Variants in APOBEC4 observed in about 807,000 individuals in gnomAD.
APOBEC4 encodes apolipoprotein B mRNA editing enzyme catalytic polypeptide like 4.
For synonymous variants in APOBEC4, 141 were observed against 154.2 expected (o/e 0.91, Z 0.63); for missense variants, 375 against 441.2 (o/e 0.85, Z 1.34).
Position 183,652,790 on chromosome 1 carries a change from G to C in APOBEC4, c.-31+282C>G, listed in dbSNP as rs141102508. On this transcript the variant is annotated intron_variant, in intron 1 of 1. Transcript: ENST00000308641. ...TTATACTCTGTAGAGCAGATTTGCT[G>C]GCAGTAAGAACAGAGATGTGTAGAG... Among the ~76,000 whole-genome samples, 10 of 152,326 alleles carry C rather than the reference G, an allele frequency of 6.6e-5. No individual in the cohort carries two copies. The East Asian group carries it at 1.7e-3, about 26-fold the overall frequency.
Position 183,647,983 on chromosome 1 carries a change from A to T in APOBEC4, c.799T>A (p.Phe267Ile), listed in dbSNP as rs1650428043. 1 of 1,614,208 alleles carries T rather than the reference A, an allele frequency of 6.2e-7. No homozygotes were observed. ...ALESYPLNNA[F>I]PGQFFQMPSG... Reference sequence around the variant, plus strand: ...GGCATTTGAAAAAACTGTCCAGGAAAGGCATTGTTTAAGGGGTAGCTCTCT... The same window carrying T: ...GGCATTTGAAAAAACTGTCCAGGAATGGCATTGTTTAAGGGGTAGCTCTCT... Residue 267 changes from phenylalanine to isoleucine, a missense_variant, in exon 2 of 2, where the codon TTT (phenylalanine) becomes ATT (isoleucine). Phe to Ile is a conservative substitution (Grantham distance 21). Coordinates refer to ENST00000308641, the MANE Select transcript of APOBEC4 (RefSeq NM_203454.3).
Position 183,647,857 on chromosome 1 carries a change from T to G in APOBEC4, c.925A>C (p.Asn309His). The change falls in exon 2 of 2, where the codon AAC (asparagine) becomes CAC (histidine). Residue 309 changes from asparagine to histidine, a missense_variant. Transcript: ENST00000308641. ...ACGATATTCCTGGGTTTATTTGGGT[T>G]TTGGCCCATATGCATTGGTGGTAAG... ...RDLPPMHMGQ[N>H]PNKPRNIVRH... is the part of the protein sequence containing the mutation. 1 of 1,614,174 alleles carries G rather than the reference T, an allele frequency of 6.2e-7. No individual in the cohort carries two copies. The highest frequency in any genetic ancestry group is 1.6e-4 in the Middle Eastern group (1 of 6,062).
rs1650313414 is a variant in APOBEC4 at position 183,646,644 on chromosome 1, G to C, written c.*1034C>G. The C allele has an allele frequency of 6.6e-6, 1 of 152,208 alleles. No individual in the cohort carries two copies. The highest frequency in any genetic ancestry group is 1.5e-5 in the Non-Finnish European group (1 of 68,048). 9.4% of individuals were successfully genotyped at this position (152,208 alleles called of 1,614,324 possible). A position where few individuals can be genotyped will look rare whatever the true frequency, so the allele number is the denominator to read the frequency against. On this transcript the variant is annotated 3_prime_UTR_variant, in exon 2 of 2. Coordinates refer to ENST00000308641, the MANE Select transcript of APOBEC4 (RefSeq NM_203454.3). ...GGTACAAATATTCACTGGTGACGAG[G>C]ATGGAGTCAGAAAGAGGGAAGTAAA...
Position 183,647,128 on chromosome 1 carries a change from A to G in APOBEC4, c.*550T>C, listed in dbSNP as rs16861371. 10,336 of 152,948 alleles carry G rather than the reference A, an allele frequency of 0.068. 623 individuals carry two copies. The highest frequency in any genetic ancestry group is 0.16 in the African/African-American group (6,757 of 41,530). The allele number at this position is 152,948 out of a possible 1,614,324, so 9.5% of individuals were successfully genotyped here. A position where few individuals can be genotyped will look rare whatever the true frequency, so the allele number is the denominator to read the frequency against. On this transcript the variant is annotated 3_prime_UTR_variant, in exon 2 of 2. Transcript: ENST00000308641. ...TGGCTAGGTTTTAATCTTTATAGCT[A>G]TATGTAATCAGCAGAAGAGCTTTTT...
At position 183,648,476 on chromosome 1, in the gene APOBEC4, A is replaced by G. The variant is rs150479240; in HGVS notation, c.306T>C (p.Asn102=). 1.5e-4 allele frequency: 240 copies of G among 1,614,118 alleles called. No homozygotes were observed. Among genetic ancestry groups the G allele is most frequent in the Admixed American group, 4.3e-4 (26 of 60,010 alleles). ...IHPESMLFEM[N]GYLDSAIYNN... ...TGTATATGGCTGAGTCAAGATAACC[A>G]TTCATTTCAAAGAGCATTGATTCTG... The change falls in exon 2 of 2, where the codon AAT becomes AAC. Residue 102 remains asparagine, a synonymous_variant. Coordinates refer to ENST00000308641, the MANE Select transcript of APOBEC4 (RefSeq NM_203454.3).
intron 1 of APOBEC4, among the ~76,000 whole-genome samples, chr1:183,650,270 G>T (rs559268665): frequency 6.9e-6 from 1 of 145,206 alleles, no homozygotes; most frequent in East Asian, 2.0e-4. Flanking sequence ...TCGGCCAGGC[G>T]TGGTGGCTCA....
At chr1:183,652,338 C>T (rs976132724) in intron 1 of APOBEC4, among the ~76,000 whole-genome samples, 4 of 152,180 alleles carry the variant, frequency 2.6e-5, no homozygotes, top group Admixed American at 2.6e-4. Flanking sequence ...AGGACTGTGG[C>T]TTTAACACAT....
At position 183,647,781 on chromosome 1, in the gene APOBEC4, C is replaced by T. The variant is rs749579868; in HGVS notation, c.1001G>A (p.Gly334Glu). Residue 334 changes from glycine (G) to glutamate (E), a missense_variant, in exon 2 of 2, where the codon GGA (glycine) becomes GAA (glutamate). By Grantham distance (98) the Gly-to-Glu change is moderately conservative. Transcript: ENST00000308641. ...QMSFQETKDL[G>E]RLPTGRSVEI... ...CACTGACCTTCCAGTGGGAAGCCTT[C>T]CAAGGTCCTTGGTTTCCTGGAATGA... The T allele has an allele frequency of 8.7e-6, 14 of 1,614,062 alleles. No homozygotes were observed. The highest frequency in any genetic ancestry group is 3.3e-4 in the Middle Eastern group (2 of 6,084).
rs11802159 is a variant in APOBEC4 at position 183,647,957 on chromosome 1, C to T, written c.825G>A (p.Pro275=). The change falls in exon 2 of 2, where the codon CCG becomes CCA. Residue 275 remains proline, a synonymous_variant. Coordinates refer to ENST00000308641, the MANE Select transcript of APOBEC4 (RefSeq NM_203454.3). ...NAFPGQFFQM[P]SGQLQPNLPP... The stretch of plus-strand genomic sequence containing the variant: ...GTAGGTTGGGTTGGAGTTGTCCACT[C>T]GGCATTTGAAAAAACTGTCCAGGAA... 6.2e-4 allele frequency: 1,005 copies of T among 1,614,112 alleles called. 6 individuals carry two copies. The African/African-American group carries it at 0.01, about 17-fold the overall frequency.
At chr1:183,651,945 T>G (rs938548402) in intron 1 of APOBEC4, among the ~76,000 whole-genome samples, 5 of 152,220 alleles carry the variant, frequency 3.3e-5, no homozygotes, top group African/African-American at 1.2e-4. Context: ...GCCCAAACTT[T>G]CATGCTTTTT....
At chr1:183,652,386 C>G (rs996995312) in intron 1 of APOBEC4, among the ~76,000 whole-genome samples, 4 of 152,184 alleles carry the variant, frequency 2.6e-5, no homozygotes, top group Non-Finnish European at 5.9e-5. Context: ...TTGCTGACAA[C>G]TTTTCAGTGT....
chr1:183,648,366 T>C lies in APOBEC4; in HGVS notation c.416A>G (p.Tyr139Cys). ...GCCTGGATACGTAATCAGGAAATTA[T>C]ACATTTTGCTGATGCAGCAGTGGTT... is the stretch of plus-strand genomic sequence containing the variant. ...EANHCCISKM[Y>C]NFLITYPGIT... The change falls in exon 2 of 2, where the codon TAT becomes TGT. Residue 139 changes from tyrosine (Y) to cysteine (C), a missense_variant. Tyr to Cys is a radical substitution (Grantham distance 194). Transcript: ENST00000308641. 1 of 1,614,252 alleles carries C rather than the reference T, an allele frequency of 6.2e-7. No homozygotes were observed. The highest frequency in any genetic ancestry group is 8.5e-7 in the Non-Finnish European group (1 of 1,180,042).
At position 183,647,519 on chromosome 1, in the gene APOBEC4, A is replaced by G; in HGVS notation, c.*159T>C. The G allele has an allele frequency of 8.4e-7, 1 of 1,187,424 alleles. No individual in the cohort carries two copies. The highest frequency in any genetic ancestry group is 1.1e-6 in the Non-Finnish European group (1 of 893,716). The allele number at this position is 1,187,424 out of a possible 1,614,324, so 73.6% of individuals were successfully genotyped here. A position where few individuals can be genotyped will look rare whatever the true frequency, so the allele number is the denominator to read the frequency against. ...TTTGGATTATGTTTAAAATAGTGTA[A>G]CTTTATAATAGTTGATATGGTAAAT... On this transcript the variant is annotated 3_prime_UTR_variant, in exon 2 of 2. Coordinates refer to ENST00000308641, the MANE Select transcript of APOBEC4 (RefSeq NM_203454.3).
intron 1 of APOBEC4, among the ~76,000 whole-genome samples, 176 bp downstream of exon 1, chr1:183,652,896 T>C (rs942169693): frequency 1.3e-5 from 2 of 152,168 alleles, no homozygotes; most frequent in Non-Finnish European, 2.9e-5. Context: ...TTTCCATAGT[T>C]TAACATAAAT....
At chr1:183,649,708 G>A (rs1263006201) in intron 1 of APOBEC4, among the ~76,000 whole-genome samples, 1 of 152,152 alleles carries the variant, frequency 6.6e-6, no homozygotes, top group Non-Finnish European at 1.5e-5. Flanking sequence ...CAAATTAGTA[G>A]TTTCTGGGAT....
chr1:183,648,129 C>G lies in APOBEC4; in HGVS notation c.653G>C (p.Arg218Thr), dbSNP rs1196091183. 1.2e-6 allele frequency: 2 copies of G among 1,614,238 alleles called. No homozygotes were observed. The highest frequency in any genetic ancestry group is 1.7e-6 in the Non-Finnish European group (2 of 1,180,048). ...SHVFQPILTG[R>T]ALADRHNAYE... ...TGCGTTGTGCCTGTCAGCCAGTGCT[C>G]TCCCAGTTAAAATGGGCTGAAAAAC... Residue 218 changes from arginine (R) to threonine (T), a missense_variant, in exon 2 of 2, where the codon AGA becomes ACA. Physicochemically the swap from Arg to Thr is moderately conservative, Grantham distance 71. Transcript: ENST00000308641.
In APOBEC4 at chr1:183,648,703, C is replaced by T. The variant is rs1219151656; in HGVS notation, c.79G>A (p.Asp27Asn). ...KPYYWLSFSL[D>N]CSNCPYHIRT... ...ATATGGTAAGGACAATTAGAGCAATCGAGAGAGAAGCTTAGCCAGTAATAT... is the reference window on the plus strand; with the variant it reads ...ATATGGTAAGGACAATTAGAGCAATTGAGAGAGAAGCTTAGCCAGTAATAT... Residue 27 changes from aspartate to asparagine, a missense_variant, in exon 2 of 2, where the codon GAT becomes AAT. By Grantham distance (23) the Asp-to-Asn change is conservative. Transcript: ENST00000308641. 4.3e-6 allele frequency: 7 copies of T among 1,614,102 alleles called. No individual in the cohort carries two copies. The highest frequency in any genetic ancestry group is 2.2e-5 in the East Asian group (1 of 44,848).
chr1:183,651,522 A>C (rs1650751017), intron 1 of APOBEC4, among the ~76,000 whole-genome samples: 1 of 152,192 alleles, frequency 6.6e-6, no homozygotes, highest in Non-Finnish European at 1.5e-5. Flanking sequence ...TATCCTGGGC[A>C]GAAAATATGT....
chr1:183,650,795 C>T (rs1467705017), intron 1 of APOBEC4, among the ~76,000 whole-genome samples: 1 of 150,226 alleles, frequency 6.7e-6, no homozygotes, highest in Non-Finnish European at 1.5e-5. Context: ...GTGTACCAAT[C>T]TTATCACATT....
Sources: gnomAD v4.1 joint callset for allele counts (sites outside exome capture counted in the v4.1 genomes callset) on GRCh38, gnomAD v4.1.1 for gene constraint, MANE v1.5 for transcripts, NCBI Gene and HGNC (gene_info 2026-07-23, HGNC 2026-07-21) for gene names.